CCDC171: variants seen among roughly 807,000 people sequenced by gnomAD.
CCDC171 encodes coiled-coil domain containing 171.
A neutral mutation model predicts 168.2 loss-of-function variants in CCDC171; 177 were observed. The observed-to-expected ratio is 1.05, with a 90% confidence interval of 0.93 to 1.19. The LOEUF (loss-of-function observed/expected upper bound fraction) is 1.19, where lower values mean the gene tolerates loss of function less well. CCDC171 is among the 50% of genes most tolerant of loss of function. The pLI, the probability that CCDC171 is intolerant of heterozygous loss-of-function variation, is 0.00. For missense variants in CCDC171, 1,991 were observed against 1,539.0 expected (o/e 1.29, Z -4.91); for synonymous variants, 687 against 540.8 (o/e 1.27, Z -3.75).
chr9:15,577,908 A>G (rs564958010), intron 3 of CCDC171, among the ~76,000 whole-genome samples: 13 of 152,226 alleles, frequency 8.5e-5, no homozygotes, highest in African/African-American at 1.7e-4. Flanking sequence ...CCTGCTGTCA[A>G]TCATTCCACA....
At chr9:15,823,192 G>C (rs760848821) in intron 21 of CCDC171, among the ~76,000 whole-genome samples, 5 of 152,004 alleles carry the variant, frequency 3.3e-5, no homozygotes, top group Non-Finnish European at 5.9e-5. Flanking sequence ...TGTGGGGTGG[G>C]AGGGATAACA....
chr9:15,631,775 AAT>A (rs928332395), intron 7 of CCDC171, among the ~76,000 whole-genome samples: 9 of 152,224 alleles, frequency 5.9e-5, no homozygotes, highest in Admixed American at 5.9e-4. Flanking sequence ...TCCTCAGTAA[AAT>A]ACTGGCAAAC....
At chr9:15,791,657 C>T (rs2058270630) in intron 21 of CCDC171, among the ~76,000 whole-genome samples, 1 of 152,134 alleles carries the variant, frequency 6.6e-6, no homozygotes, top group Non-Finnish European at 1.5e-5. Context: ...TGAGAGAGGG[C>T]ATCCCTGTCT....
intron 24 of CCDC171, among the ~76,000 whole-genome samples, chr9:15,911,741 G>T (rs1823672341): frequency 6.6e-6 from 1 of 152,038 alleles, no homozygotes; most frequent in African/African-American, 2.4e-5. Context: ...TAAGGAAGGG[G>T]GTCCAGTTTC....
chr9:15,770,479 G>C (rs1340431469), intron 18 of CCDC171, among the ~76,000 whole-genome samples: 1 of 152,128 alleles, frequency 6.6e-6, no homozygotes, highest in East Asian at 1.9e-4. Flanking sequence ...CCACCAGACT[G>C]CCAAAGGTAT....
chr9:15,933,899 A>C (rs1355364067), intron 25 of CCDC171, among the ~76,000 whole-genome samples: 1 of 152,070 alleles, frequency 6.6e-6, no homozygotes, highest in Non-Finnish European at 1.5e-5. Flanking sequence ...TGACACCAAA[A>C]GGATAAGTGA....
chr9:15,842,220 A>T (rs1005443021), intron 21 of CCDC171, among the ~76,000 whole-genome samples: 6 of 152,028 alleles, frequency 3.9e-5, no homozygotes, highest in African/African-American at 1.4e-4. Flanking sequence ...GATATTTCCC[A>T]TTAGACAAAA....
chr9:16,065,841 T>TGTGTGTGTGTGTGTGTGTGC (rs1015627458), downstream of CCDC171, among the ~76,000 whole-genome samples: 2 of 149,126 alleles, frequency 1.3e-5, no homozygotes, highest in African/African-American at 4.9e-5. Context: ...TGTGTGTGTG[T>TGTGTGTGTGTGTGTGTGTGC]GTGCTGATTA....
At chr9:15,638,881 A>G (rs539458464) in intron 7 of CCDC171, among the ~76,000 whole-genome samples, 15 of 152,046 alleles carry the variant, frequency 9.9e-5, no homozygotes, top group Non-Finnish European at 1.8e-4. Context: ...CCTCTTTACA[A>G]CTAGGGGAGT....
chr9:15,778,714 C>T (rs932573875), intron 19 of CCDC171, among the ~76,000 whole-genome samples: 2 of 148,364 alleles, frequency 1.3e-5, no homozygotes, highest in Non-Finnish European at 3.0e-5. Context: ...TGCACTGCAA[C>T]AGAATTGTAT....
Position 15,821,928 on chromosome 9 carries a change from AAAC to A in CCDC171, c.3268-24773_3268-24771del, listed in dbSNP as rs2059789340. On this transcript the variant is annotated intron_variant, in intron 21 of 25. Transcript: ENST00000380701. The stretch of plus-strand genomic sequence containing the variant: ...TGGAGGCATCACGCTACCTGACTTC[AAAC>A]TATACAACAAGGCTACAGTAACCAA... Among the ~76,000 whole-genome samples, 3 of 49,048 alleles carry A rather than the reference AAAC, an allele frequency of 6.1e-5. 1 individual carries two copies. Among genetic ancestry groups the A allele is most frequent in the Non-Finnish European group, 1.5e-4 (3 of 19,524 alleles). The allele number at this position is 49,048 out of a possible 152,430, so 32.2% of individuals were successfully genotyped here.
chr9:15,898,301 A>G (rs1442835725), intron 24 of CCDC171, among the ~76,000 whole-genome samples: 1 of 152,140 alleles, frequency 6.6e-6, no homozygotes, highest in Non-Finnish European at 1.5e-5. Flanking sequence ...TGGGGCTTAC[A>G]TGGGTTTGCC....
intron 3 of CCDC171, among the ~76,000 whole-genome samples, chr9:16,012,608 G>GT (rs35024410): frequency 4.6e-5 from 7 of 150,558 alleles, no homozygotes; most frequent in Admixed American, 3.3e-4. Context: ...ATTGCTGGTT[G>GT]TTTTTTTTTA....
At chr9:15,781,571 T>C (rs952035132) in intron 20 of CCDC171, among the ~76,000 whole-genome samples, 5 of 151,948 alleles carry the variant, frequency 3.3e-5, no homozygotes, top group Admixed American at 1.3e-4. Flanking sequence ...ACCACCACGC[T>C]CAGCTAATTT....
intron 10 of CCDC171, among the ~76,000 whole-genome samples, chr9:15,691,181 C>T (rs2050748965): frequency 6.6e-6 from 1 of 151,888 alleles, no homozygotes; most frequent in African/African-American, 2.4e-5. Context: ...GCAAAAAAAA[C>T]TGCCAGAAAC....
In CCDC171 at chr9:15,919,747, A is replaced by G. The variant is rs141059096; in HGVS notation, c.3601-523A>G. Among the ~76,000 whole-genome samples the G allele has an allele frequency of 1.7e-3, 258 of 151,772 alleles. 2 individuals carry two copies. Among genetic ancestry groups the G allele is most frequent in the African/African-American group, 5.8e-3 (240 of 41,552 alleles). On this transcript the variant is annotated intron_variant, in intron 24 of 25. Transcript: ENST00000380701. ...CAATGTAAGGGCATTTCTGTGTTACATGAATCAACATAATTATACTTTTCT... is the reference window on the plus strand; with the variant it reads ...CAATGTAAGGGCATTTCTGTGTTACGTGAATCAACATAATTATACTTTTCT...
chr9:15,574,661 G>A (rs574283317), intron 3 of CCDC171, among the ~76,000 whole-genome samples: 3 of 152,216 alleles, frequency 2.0e-5, no homozygotes, highest in South Asian at 2.1e-4. Flanking sequence ...CCAACTGTAC[G>A]CATCAGGAAG....
chr9:15,998,991 A>C (rs1004878001), intron 3 of CCDC171, among the ~76,000 whole-genome samples: 18 of 152,088 alleles, frequency 1.2e-4, no homozygotes, highest in African/African-American at 4.3e-4. Context: ...TTGACACTCT[A>C]TTTCAACATG....
At chr9:15,908,574 G>A (rs184097989) in intron 24 of CCDC171, among the ~76,000 whole-genome samples, 26 of 152,256 alleles carry the variant, frequency 1.7e-4, no homozygotes, top group African/African-American at 5.3e-4. Context: ...GTTACTGGGT[G>A]CAGCACACCT....
Sources: allele counts gnomAD v4.1 joint callset (sites outside exome capture counted in the v4.1 genomes callset), GRCh38; gene constraint gnomAD v4.1.1; transcripts MANE v1.5; gene names NCBI Gene and HGNC (gene_info 2026-07-23, HGNC 2026-07-21).